THSD7B: variants seen among roughly 807,000 people sequenced by gnomAD.
THSD7B encodes thrombospondin type-1 domain-containing protein 7B.
Under a neutral mutation model 213.6 loss-of-function variants are expected in THSD7B, and 138 were observed. That is an observed-to-expected ratio of 0.65 (90% CI 0.56 to 0.74). The LOEUF is 0.74. THSD7B is among the 30% of genes least tolerant of loss of function. The pLI is 0.00. For missense variants in THSD7B, 1,931 were observed against 1,991.5 expected (o/e 0.97, Z 0.58); for synonymous variants, 742 against 687.0 (o/e 1.08, Z -1.25).
chr2:137,129,310 ACT>A (rs1424810727), intron 5 of THSD7B, among the ~76,000 whole-genome samples: 6 of 151,886 alleles, frequency 4.0e-5, no homozygotes, highest in Admixed American at 2.6e-4. Flanking sequence ...AGAGGGGTAA[ACT>A]CTGTACAGGA....
intron 6 of THSD7B, among the ~76,000 whole-genome samples, chr2:137,170,004 G>T (rs1680212970): frequency 6.6e-6 from 1 of 152,132 alleles, no homozygotes; most frequent in Non-Finnish European, 1.5e-5. Flanking sequence ...AACACTCGCT[G>T]CAGTCTCATG....
At chr2:137,661,506 G>C (rs568266861) in intron 25 of THSD7B, among the ~76,000 whole-genome samples, 4 of 151,950 alleles carry the variant, frequency 2.6e-5, no homozygotes, top group African/African-American at 9.6e-5. Context: ...GTTTGACATG[G>C]TTATGTCAGC....
intron 1 of THSD7B, among the ~76,000 whole-genome samples, chr2:136,804,046 C>G (rs1682240060): frequency 6.6e-6 from 1 of 152,150 alleles, no homozygotes; most frequent in African/African-American, 2.4e-5. Flanking sequence ...GAAATAATGT[C>G]TTACCAGGTA....
intron 1 of THSD7B, among the ~76,000 whole-genome samples, chr2:136,851,038 C>G (rs974627375): frequency 6.6e-6 from 1 of 151,982 alleles, no homozygotes; most frequent in Admixed American, 6.6e-5. Flanking sequence ...AGTAATTTTT[C>G]TATTATTCTG....
At chr2:136,826,332 G>C (rs1232505602) in intron 1 of THSD7B, among the ~76,000 whole-genome samples, 2 of 152,166 alleles carry the variant, frequency 1.3e-5, no homozygotes, top group African/African-American at 4.8e-5. Flanking sequence ...AAAATAAACT[G>C]TAAGCAAATA....
At chr2:137,462,448 G>A (rs576112620) in intron 15 of THSD7B, among the ~76,000 whole-genome samples, 1 of 152,194 alleles carries the variant, frequency 6.6e-6, no homozygotes, top group East Asian at 1.9e-4. Flanking sequence ...TGCTGTGCAT[G>A]CTATAGTTCA....
At chr2:137,287,828 G>A (rs533663194) in intron 12 of THSD7B, among the ~76,000 whole-genome samples, 1 of 152,126 alleles carries the variant, frequency 6.6e-6, no homozygotes, top group African/African-American at 2.4e-5. Flanking sequence ...TGTAAAACTG[G>A]TAGTAAGAAA....
intron 1 of THSD7B, among the ~76,000 whole-genome samples, chr2:136,858,241 T>C (rs149225118): frequency 6.6e-6 from 1 of 152,330 alleles, no homozygotes; most frequent in East Asian, 1.9e-4. Context: ...CAGCATATTT[T>C]CACTGTTTCT....
intron 10 of THSD7B, among the ~76,000 whole-genome samples, chr2:137,248,335 G>A (rs1278307592): frequency 6.6e-6 from 1 of 152,150 alleles, no homozygotes. Flanking sequence ...AACTCAGAGG[G>A]TAGGAGTCTT....
intron 1 of THSD7B, among the ~76,000 whole-genome samples, chr2:136,831,179 C>G (rs972650376): frequency 4.1e-5 from 5 of 120,780 alleles, no homozygotes; most frequent in African/African-American, 1.6e-4. Flanking sequence ...GGATTTTCAT[C>G]CTCTTTTCAT....
At chr2:137,113,300 C>T (rs1401244274) in intron 4 of THSD7B, among the ~76,000 whole-genome samples, 1 of 152,142 alleles carries the variant, frequency 6.6e-6, no homozygotes, top group African/African-American at 2.4e-5. Context: ...TAAGGACTGA[C>T]TCTGTGAGGA....
chr2:137,576,955 C>T (rs1476019384), intron 17 of THSD7B, among the ~76,000 whole-genome samples: 4 of 152,008 alleles, frequency 2.6e-5, no homozygotes, highest in Non-Finnish European at 4.4e-5. Context: ...AGTACTAGAG[C>T]TTAGCTCTAA....
chr2:137,499,270 C>T (rs1679647173), intron 15 of THSD7B, among the ~76,000 whole-genome samples: 2 of 152,136 alleles, frequency 1.3e-5, no homozygotes, highest in Non-Finnish European at 2.9e-5. Context: ...CTCTTTTAGT[C>T]TCAATGGTTC....
intron 2 of THSD7B, among the ~76,000 whole-genome samples, chr2:136,894,364 C>A (rs777558299): frequency 2.6e-5 from 4 of 152,162 alleles, no homozygotes; most frequent in Non-Finnish European, 5.9e-5. Flanking sequence ...AAGGAGCTGA[C>A]ACTACATACA....
chr2:137,271,602 A>C (rs1682741603), intron 10 of THSD7B, among the ~76,000 whole-genome samples: 2 of 151,506 alleles, frequency 1.3e-5, no homozygotes, highest in African/African-American at 4.8e-5. Context: ...ACAGTCAAAA[A>C]TGATTTCTGT....
intron 7 of THSD7B, among the ~76,000 whole-genome samples, chr2:137,172,947 T>C (rs555500383): frequency 6.6e-6 from 1 of 152,182 alleles, no homozygotes; most frequent in African/African-American, 2.4e-5. Context: ...GTTTAAAACA[T>C]GAGCTCTAGA....
chr2:137,193,753 A>G (rs1429998045), intron 7 of THSD7B, among the ~76,000 whole-genome samples: 3 of 152,008 alleles, frequency 2.0e-5, no homozygotes, highest in Non-Finnish European at 4.4e-5. Context: ...AAACTGGAAT[A>G]TAAAAGCCAG....
intron 7 of THSD7B, among the ~76,000 whole-genome samples, chr2:137,184,227 G>A (rs191796803): frequency 6.6e-6 from 1 of 152,158 alleles, no homozygotes; most frequent in Admixed American, 6.5e-5. Context: ...GAGGGAAAAA[G>A]GGCTAAGCAC....
At chr2:137,064,889 T>C (rs1225083112) in intron 3 of THSD7B, among the ~76,000 whole-genome samples, 2 of 152,066 alleles carry the variant, frequency 1.3e-5, no homozygotes, top group East Asian at 1.9e-4. Flanking sequence ...GGCAGTACCA[T>C]ACTGTTTTGT....
Sources: gnomAD v4.1 joint callset for allele counts (sites outside exome capture counted in the v4.1 genomes callset) on GRCh38, gnomAD v4.1.1 for gene constraint, MANE v1.5 for transcripts, NCBI Gene and HGNC (gene_info 2026-07-23, HGNC 2026-07-21) for gene names.